GRIK4: variants seen among roughly 807,000 people sequenced by gnomAD.
The protein encoded by GRIK4 is glutamate ionotropic receptor kainate type subunit 4, also known as glutamate receptor ionotropic, kainate 4.
In GRIK4, 40 loss-of-function variants were observed where a neutral mutation model predicts 104.9. The observed-to-expected ratio is 0.38, with a 90% CI of 0.30 to 0.50. The LOEUF is 0.50. Among genes scored for constraint, GRIK4 ranks in the 20% least tolerant of loss-of-function variants. The pLI, the probability that GRIK4 is intolerant of heterozygous loss-of-function variation, is 0.93. For missense variants in GRIK4, 1,047 were observed against 1,308.1 expected (o/e 0.80, Z 3.08); for synonymous variants, 485 against 524.9 (o/e 0.92, Z 1.04).
chr11:120,738,765 C>T (rs1951272387), intron 3 of GRIK4, among the ~76,000 whole-genome samples: 1 of 152,180 alleles, frequency 6.6e-6, no homozygotes, highest in African/African-American at 2.4e-5. Context: ...CCATCACCAC[C>T]TGCCTTGGCA....
intron 1 of GRIK4, among the ~76,000 whole-genome samples, chr11:120,522,930 C>G (rs1947812665): frequency 6.6e-6 from 1 of 152,020 alleles, no homozygotes; most frequent in Non-Finnish European, 1.5e-5. Context: ...AGCCACGGAG[C>G]AGCACAGCTG....
chr11:120,567,253 A>G (rs1286183259), intron 1 of GRIK4, among the ~76,000 whole-genome samples: 2 of 151,960 alleles, frequency 1.3e-5, no homozygotes, highest in Non-Finnish European at 2.9e-5. Context: ...TTGACCTTAC[A>G]GGCTCAAGCG....
In GRIK4 at chr11:120,902,799, G is replaced by A. The variant is rs1183276272; in HGVS notation, c.1273-2491G>A. Reference sequence around the variant, plus strand: ...CTGCGGACAAAGATGACTAGGTGAGGTGGAAGATGGGGGAGTGTGTGGAGA... The same window carrying A: ...CTGCGGACAAAGATGACTAGGTGAGATGGAAGATGGGGGAGTGTGTGGAGA... On this transcript the variant is annotated intron_variant, in intron 12 of 20. Transcript: ENST00000527524. The surrounding 1 kb of genome is among the most constrained non-coding windows in gnomAD (Gnocchi z 4.5). 6.6e-6 allele frequency among the ~76,000 whole-genome samples: 1 copy of A among 152,196 alleles called. No individual in the cohort carries two copies. Among genetic ancestry groups the A allele is most frequent in the African/African-American group, 2.4e-5 (1 of 41,422 alleles).
intron 1 of GRIK4, among the ~76,000 whole-genome samples, chr11:120,591,649 C>G (rs1948734912): frequency 6.6e-6 from 1 of 152,164 alleles, no homozygotes; most frequent in Non-Finnish European, 1.5e-5. Context: ...TTCCCCTAGT[C>G]AGTACTAGGG....
At position 120,589,586 on chromosome 11, in the gene GRIK4, G is replaced by C. The variant is rs549418546; in HGVS notation, c.-158-64099G>C. Among the ~76,000 whole-genome samples, 3 of 152,234 alleles carry C rather than the reference G, an allele frequency of 2.0e-5. No homozygotes were observed. In the South Asian group the frequency reaches 6.2e-4, roughly 32 times the overall value. On this transcript the variant is annotated intron_variant, in intron 1 of 20. Coordinates refer to ENST00000527524, the MANE Select transcript of GRIK4 (RefSeq NM_014619.5). ...ACAGGGCTCAGGACGTTGGAAATCT[G>C]AACAAAATCCTTCAGCCAGCGGCCA...
chr11:120,647,654 GTGGCCCA>G (rs1358011075), intron 1 of GRIK4, among the ~76,000 whole-genome samples: 7 of 152,246 alleles, frequency 4.6e-5, no homozygotes, highest in African/African-American at 1.7e-4. Context: ...GGCTCAGTGT[GTGGCCCA>G]CATCTTCCAA....
intron 1 of GRIK4, among the ~76,000 whole-genome samples, chr11:120,646,700 A>G (rs1169558328): frequency 6.6e-6 from 1 of 152,200 alleles, no homozygotes; most frequent in African/African-American, 2.4e-5. Flanking sequence ...TCATCTGTTC[A>G]ATAAATCTGA....
intron 11 of GRIK4, among the ~76,000 whole-genome samples, chr11:120,882,334 C>T (rs113577035): frequency 0.013 from 1,949 of 152,278 alleles, 41 homozygotes; most frequent in African/African-American, 0.044. Context: ...ATATGCAGAT[C>T]CTTTGAAGCT....
chr11:120,705,444 T>C (rs1054284813), intron 3 of GRIK4, among the ~76,000 whole-genome samples: 2 of 152,142 alleles, frequency 1.3e-5, no homozygotes, highest in African/African-American at 4.8e-5. Context: ...CAGGCTGGTC[T>C]CGAACTCCTG....
intron 12 of GRIK4, among the ~76,000 whole-genome samples, chr11:120,900,993 C>A (rs1942721263): frequency 6.6e-6 from 1 of 152,186 alleles, no homozygotes; most frequent in South Asian, 2.1e-4. Context: ...TAAAAATCTT[C>A]TGGATCTGTC....
Position 120,863,467 on chromosome 11 carries a change from AT to A in GRIK4, c.906+1350del, listed in dbSNP as rs1159269672. Among the ~76,000 whole-genome samples, 49 of 152,354 alleles carry A rather than the reference AT, an allele frequency of 3.2e-4. No individual in the cohort carries two copies. The East Asian group carries it at 8.7e-3, about 27-fold the overall frequency. ...CAATGAAGAAATTGCCTGATGATGC[AT>A]TTCTCATCATGTGTCCCCATTGTTA... On this transcript the variant is annotated intron_variant, in intron 9 of 20. Coordinates refer to ENST00000527524, the MANE Select transcript of GRIK4 (RefSeq NM_014619.5).
At chr11:120,760,918 C>A (rs972177660) in intron 3 of GRIK4, among the ~76,000 whole-genome samples, 2 of 151,962 alleles carry the variant, frequency 1.3e-5, no homozygotes, top group Non-Finnish European at 1.5e-5. Context: ...TATGTGTGCA[C>A]GTATCTTTAG....
chr11:120,721,915 T>C (rs573016327), intron 3 of GRIK4, among the ~76,000 whole-genome samples: 1 of 152,272 alleles, frequency 6.6e-6, no homozygotes, highest in East Asian at 1.9e-4. Flanking sequence ...TTGATAACAT[T>C]TATTGGACAC....
chr11:120,865,994 G>C (rs113249466), intron 9 of GRIK4, among the ~76,000 whole-genome samples: 5,551 of 152,146 alleles, frequency 0.036, 278 homozygotes, highest in African/African-American at 0.12. Flanking sequence ...GAGGTGCCAG[G>C]CTCTTTTCAA....
intron 13 of GRIK4, among the ~76,000 whole-genome samples, chr11:120,916,335 A>T (rs1227946484): frequency 6.6e-6 from 1 of 152,246 alleles, no homozygotes; most frequent in African/African-American, 2.4e-5. Flanking sequence ...GTCATACAGG[A>T]TAAGTGCTGT....
At chr11:120,840,307 G>C (rs1020742847) in intron 8 of GRIK4, among the ~76,000 whole-genome samples, 1 of 152,162 alleles carries the variant, frequency 6.6e-6, no homozygotes. Flanking sequence ...CTGACATCTG[G>C]GCCTTTTATT....
intron 1 of GRIK4, among the ~76,000 whole-genome samples, chr11:120,578,951 C>T (rs143260250): frequency 0.012 from 1,867 of 152,272 alleles, 16 homozygotes; most frequent in Admixed American, 0.016. Context: ...GGTTAAGTAG[C>T]GGGGGTTGAG....
intron 14 of GRIK4, among the ~76,000 whole-genome samples, chr11:120,946,232 T>G (rs1327430516): frequency 6.6e-6 from 1 of 152,220 alleles, no homozygotes; most frequent in Non-Finnish European, 1.5e-5. Flanking sequence ...TTTGCTCAGA[T>G]TAATATTAAA....
rs759865918 is a variant in GRIK4 at position 120,565,402 on chromosome 11, T to A, written c.-159+53515T>A. Among the ~76,000 whole-genome samples, 6 of 152,354 alleles carry A rather than the reference T, an allele frequency of 3.9e-5. No homozygotes were observed. In the East Asian group the frequency reaches 7.7e-4, roughly 20 times the overall value. ...TAGCAGGAATGCGCTGGACAAGTTG[T>A]TACAACTGCAGGGAAAACGATAAAA... On this transcript the variant is annotated intron_variant, in intron 1 of 20. Coordinates refer to ENST00000527524, the MANE Select transcript of GRIK4 (RefSeq NM_014619.5).
Sources: gnomAD v4.1 joint callset for allele counts (sites outside exome capture counted in the v4.1 genomes callset) on GRCh38, gnomAD v4.1.1 for gene constraint, Gnocchi (gnomAD v3.1) non-coding constraint, MANE v1.5 for transcripts, NCBI Gene and HGNC (gene_info 2026-07-23, HGNC 2026-07-21) for gene names.